RBBP4: variants seen among roughly 807,000 people sequenced by gnomAD.
RBBP4 encodes histone-binding protein RBBP4.
A neutral mutation model predicts 57.2 loss-of-function variants in RBBP4; 3 were observed. That is an observed-to-expected ratio of 0.05 (90% CI 0.02 to 0.14). The LOEUF is 0.14. RBBP4 is among the 10% of genes least tolerant of loss of function. The pLI, the probability that RBBP4 is intolerant of heterozygous loss-of-function variation, is 1.00. For missense variants in RBBP4, 107 were observed against 520.6 expected (o/e 0.21, Z 7.73); for synonymous variants, 151 against 171.5 (o/e 0.88, Z 0.93).
chr1:32,673,539 T>G (rs1648965453), intron 11 of RBBP4: 1 of 402,894 alleles, frequency 2.5e-6, no homozygotes, highest in Non-Finnish European at 4.8e-6. Flanking sequence ...CCAGGTTCGA[T>G]CGATTCTCCT....
At chr1:32,663,128 A>G (rs1415107811) in intron 3 of RBBP4, among the ~76,000 whole-genome samples, 1 of 152,200 alleles carries the variant, frequency 6.6e-6, no homozygotes, top group Non-Finnish European at 1.5e-5. Flanking sequence ...CTCAGTGGTA[A>G]AAATCACTAT....
At chr1:32,673,395 T>G (rs138706776) in intron 11 of RBBP4, 1 of 386,714 alleles carries the variant, frequency 2.6e-6, no homozygotes, top group African/African-American at 2.2e-5. Context: ...TCAAAAATGT[T>G]CCCTATCTCT....
rs773262048 is a variant in RBBP4, at chr1:32,683,964, A to G, written c.*4259A>G. On this transcript the variant is annotated 3_prime_UTR_variant, in exon 12 of 12. Transcript: ENST00000373493. The stretch of plus-strand genomic sequence containing the variant: ...TAAGGCATTAATTAGTATTGTTAGG[A>G]AAGCAGTAACAATGCAAACACCACT... 5.1e-6 allele frequency: 8 copies of G among 1,564,490 alleles called. No individual in the cohort carries two copies. In the South Asian group the frequency reaches 7.8e-5, roughly 15 times the overall value.
At chr1:32,678,567 CTTTTTTTTTTTTTTTTTTTT>C (rs558897341) in intron 11 of RBBP4, among the ~76,000 whole-genome samples, 16 of 43,620 alleles carry the variant, frequency 3.7e-4, no homozygotes, top group African/African-American at 8.0e-4. Flanking sequence ...TATGTGACAG[CTTTTTTTTTTTTTTTTTTTT>C]TTTTTTTTTT....
At chr1:32,657,169 G>A (rs190430765) in intron 2 of RBBP4, among the ~76,000 whole-genome samples, 225 of 152,210 alleles carry the variant, frequency 1.5e-3, no homozygotes, top group African/African-American at 5.1e-3. Flanking sequence ...CCAGCTACTC[G>A]GGAGGCTGAG....
intron 3 of RBBP4, among the ~76,000 whole-genome samples, chr1:32,664,764 T>A (rs1054530476): frequency 6.6e-6 from 1 of 151,898 alleles, no homozygotes; most frequent in Non-Finnish European, 1.5e-5. Context: ...TTTTTGGGGG[T>A]GGTGGTCATT....
intron 2 of RBBP4, among the ~76,000 whole-genome samples, chr1:32,653,579 A>G (rs1445947592): frequency 2.2e-5 from 3 of 136,010 alleles, no homozygotes; most frequent in Non-Finnish European, 4.8e-5. Context: ...ACACAAAACC[A>G]TAGTAAAAAC....
At chr1:32,670,441 G>A (rs968562008) in intron 8 of RBBP4, among the ~76,000 whole-genome samples, 1 of 151,946 alleles carries the variant, frequency 6.6e-6, no homozygotes, top group South Asian at 2.1e-4. Context: ...CAAGGTTATC[G>A]CCCAGGTCTG....
At chr1:32,670,469 AAG>A (rs1317898657) in intron 8 of RBBP4, among the ~76,000 whole-genome samples, 8 of 152,354 alleles carry the variant, frequency 5.3e-5, no homozygotes, top group African/African-American at 1.7e-4. Context: ...AAATTAAAAA[AAG>A]AAATAATCAC....
intron 11 of RBBP4, among the ~76,000 whole-genome samples, chr1:32,678,821 C>T (rs990925918): frequency 2.0e-5 from 3 of 150,540 alleles, no homozygotes; most frequent in African/African-American, 7.3e-5. Context: ...AACTCATGAC[C>T]TCAAGTGATC....
intron 11 of RBBP4, 54 bp downstream of exon 11, chr1:32,672,955 A>C (rs989566005): frequency 1.5e-6 from 2 of 1,364,296 alleles, no homozygotes; most frequent in Non-Finnish European, 2.1e-6. Flanking sequence ...ACATAGAATC[A>C]ATTTACATTT....
chr1:32,678,482 C>T (rs1027793049), intron 11 of RBBP4, among the ~76,000 whole-genome samples: 3 of 151,810 alleles, frequency 2.0e-5, no homozygotes, highest in Non-Finnish European at 4.4e-5. Context: ...CTGCCTTGGC[C>T]TCCCAAAATG....
intron 3 of RBBP4, among the ~76,000 whole-genome samples, chr1:32,658,335 TAA>T (rs938835930): frequency 7.0e-6 from 1 of 143,572 alleles, no homozygotes; most frequent in African/African-American, 2.6e-5. Context: ...GAATAGTTCT[TAA>T]AAGAGTTCTT....
At position 32,684,218 on chromosome 1, in the gene RBBP4, G is replaced by A. The variant is rs766329646; in HGVS notation, c.*4513G>A. On this transcript the variant is annotated 3_prime_UTR_variant, in exon 12 of 12. Transcript: ENST00000373493. ...CCTAAGCCCTCCCACCATCCCCTCA[G>A]CCAGTATTAGATGAGATTTGTATAG... 6.2e-7 allele frequency: 1 copy of A among 1,611,306 alleles called. No homozygotes were observed.
At chr1:32,656,175 A>C (rs747071476) in intron 2 of RBBP4, among the ~76,000 whole-genome samples, 5 of 152,038 alleles carry the variant, frequency 3.3e-5, no homozygotes, top group Admixed American at 1.3e-4. Context: ...AAATTGTTTA[A>C]TTTTCTTTCT....
Position 32,683,932 on chromosome 1 carries a change from C to T in RBBP4, c.*4227C>T. 3.4e-6 allele frequency: 5 copies of T among 1,464,908 alleles called. No individual in the cohort carries two copies. The highest frequency in any genetic ancestry group is 4.8e-6 in the Non-Finnish European group (5 of 1,051,394). The allele number at this position is 1,464,908 out of a possible 1,614,324, so 90.7% of individuals were successfully genotyped here. A position where few individuals can be genotyped will look rare whatever the true frequency, so the allele number is the denominator to read the frequency against. On this transcript the variant is annotated 3_prime_UTR_variant, in exon 12 of 12. Transcript: ENST00000373493. ...ACAGGCGTGAGCCACCCCGTCCGGC[C>T]TGTTTTTAAGGCATTAATTAGTATT... is the stretch of plus-strand genomic sequence containing the variant.
In RBBP4 at chr1:32,680,972, A is replaced by G. The variant is rs2148537884; in HGVS notation, c.*1267A>G. On this transcript the variant is annotated 3_prime_UTR_variant, in exon 12 of 12. Transcript: ENST00000373493. Reference sequence around the variant, plus strand: ...GTAGAGAGAATTTAAGGCAAGATTTAAATTTGGAAAAGGTGCTTGAACCTT... The same window carrying G: ...GTAGAGAGAATTTAAGGCAAGATTTGAATTTGGAAAAGGTGCTTGAACCTT... The G allele has an allele frequency of 6.3e-6, 1 of 159,278 alleles. No individual in the cohort carries two copies. The highest frequency in any genetic ancestry group is 2.4e-5 in the African/African-American group (1 of 41,854). The allele number at this position is 159,278 out of a possible 1,614,324, so 9.9% of individuals were successfully genotyped here.
chr1:32,665,805 C>T (rs2762903), intron 3 of RBBP4, among the ~76,000 whole-genome samples: 131,208 of 152,088 alleles, frequency 0.86, 58,126 homozygotes, highest in Non-Finnish European at 0.96. Context: ...AACTGAAGGC[C>T]TTCCCTGAAT....
chr1:32,651,839 C>T (rs1472028888), intron 1 of RBBP4, 75 bp from the exon 2 acceptor site: 1 of 1,464,000 alleles, frequency 6.8e-7, no homozygotes, highest in African/African-American at 1.4e-5. Flanking sequence ...CTGTAGGAGT[C>T]ATGCAGGTGG....
Sources: gnomAD v4.1 joint callset for allele counts (sites outside exome capture counted in the v4.1 genomes callset) on GRCh38, gnomAD v4.1.1 for gene constraint, MANE v1.5 for transcripts, NCBI Gene and HGNC (gene_info 2026-07-23, HGNC 2026-07-21) for gene names.